The following NEBL variants were observed in gnomAD, a reference collection of about 807,000 sequenced individuals.
The protein encoded by NEBL is nebulette.
Under a neutral mutation model 140.2 loss-of-function variants are expected in NEBL, and 122 were observed. The observed-to-expected ratio is 0.87, with a 90% CI of 0.75 to 1.01. The LOEUF is 1.01. Ranked by LOEUF, NEBL falls within the 50% of genes least tolerant of loss-of-function variation. The pLI is 0.00. For synonymous variants in NEBL, 436 were observed against 398.9 expected, an observed-to-expected ratio of 1.09 and a Z score of -1.11; for missense variants, 1,365 against 1,231.3, an observed-to-expected ratio of 1.11 and a Z score of -1.62.
intron 2 of NEBL, among the ~76,000 whole-genome samples, chr10:21,165,395 A>G (rs939994401): frequency 2.6e-5 from 4 of 152,190 alleles, no homozygotes; most frequent in Admixed American, 6.5e-5. Flanking sequence ...AATGAACCCT[A>G]GTCACCAGTC....
chr10:21,282,928 C>G (rs1028295328), intron 1 of NEBL, among the ~76,000 whole-genome samples: 1 of 152,116 alleles, frequency 6.6e-6, no homozygotes, highest in African/African-American at 2.4e-5. Context: ...AGTTCGAGAC[C>G]AGCCTGGCCA....
chr10:20,867,805 G>A (rs549003450), intron 7 of NEBL: 6 of 151,976 alleles, frequency 3.9e-5, no homozygotes, highest in African/African-American at 1.2e-4. Flanking sequence ...GACTTGAATC[G>A]ACACTTTTAT....
chr10:20,793,599 G>A (rs140925070), intron 26 of NEBL, among the ~76,000 whole-genome samples: 1 of 150,968 alleles, frequency 6.6e-6, no homozygotes, highest in East Asian at 2.0e-4. Context: ...TGTCACCCAG[G>A]CTGGAGTGCA....
intron 3 of NEBL, among the ~76,000 whole-genome samples, chr10:20,966,395 A>G (rs1836318067): frequency 6.6e-6 from 1 of 152,242 alleles, no homozygotes; most frequent in Non-Finnish European, 1.5e-5. Flanking sequence ...ACAAGAAAAT[A>G]TGCAATATGC....
At chr10:20,857,713 A>G (rs901989873) in intron 9 of NEBL, among the ~76,000 whole-genome samples, 1 of 152,274 alleles carries the variant, frequency 6.6e-6, no homozygotes, top group African/African-American at 2.4e-5. Flanking sequence ...AGACATGAAG[A>G]ACTCACCTTT....
At chr10:21,290,212 C>T (rs1447642071) in intron 1 of NEBL, among the ~76,000 whole-genome samples, 2 of 152,210 alleles carry the variant, frequency 1.3e-5, no homozygotes. Flanking sequence ...TCAGCATAGA[C>T]AGTCTATCCA....
At chr10:21,106,956 T>G (rs759755069) in intron 2 of NEBL, among the ~76,000 whole-genome samples, 2 of 152,210 alleles carry the variant, frequency 1.3e-5, no homozygotes, top group Non-Finnish European at 2.9e-5. Context: ...TAATTGTGAA[T>G]GGGAATTCAC....
At chr10:21,134,853 C>G (rs1461417675) in intron 2 of NEBL, among the ~76,000 whole-genome samples, 1 of 152,214 alleles carries the variant, frequency 6.6e-6, no homozygotes, top group Non-Finnish European at 1.5e-5. Flanking sequence ...AGGTACGCTA[C>G]TCTGCAATGC....
At chr10:20,990,993 G>T (rs1837434365) in intron 3 of NEBL, among the ~76,000 whole-genome samples, 1 of 152,120 alleles carries the variant, frequency 6.6e-6, no homozygotes. Flanking sequence ...CATCAATCAA[G>T]CTCTGCCCTA....
intron 2 of NEBL, among the ~76,000 whole-genome samples, chr10:21,106,724 A>C (rs182952601): frequency 1.3e-5 from 2 of 152,324 alleles, no homozygotes; most frequent in African/African-American, 4.8e-5. Context: ...TCTGTGAAGA[A>C]AGTCAGTAGT....
chr10:21,097,557 G>A (rs1408035556), intron 2 of NEBL, among the ~76,000 whole-genome samples: 1 of 152,176 alleles, frequency 6.6e-6, no homozygotes, highest in Admixed American at 6.5e-5. Flanking sequence ...GCTTAAATGA[G>A]TCATTTTGTA....
At chr10:21,266,361 C>A (rs959837168) in intron 1 of NEBL, among the ~76,000 whole-genome samples, 1 of 152,124 alleles carries the variant, frequency 6.6e-6, no homozygotes, top group Admixed American at 6.6e-5. Flanking sequence ...AGGCTAGTCT[C>A]GAACTCCTGA....
chr10:20,803,828 T>C (rs2130728148), intron 26 of NEBL, among the ~76,000 whole-genome samples: 1 of 146,746 alleles, frequency 6.8e-6, no homozygotes, highest in East Asian at 2.0e-4. Flanking sequence ...TATATATATA[T>C]ATATATATAT....
chr10:21,091,863 C>T (rs987956022), intron 2 of NEBL, among the ~76,000 whole-genome samples: 1 of 152,194 alleles, frequency 6.6e-6, no homozygotes, highest in African/African-American at 2.4e-5. Flanking sequence ...AACTCCTGGA[C>T]TCAAGCAATC....
chr10:20,863,474 AT>A (rs1377820659), intron 7 of NEBL, among the ~76,000 whole-genome samples: 2 of 152,332 alleles, frequency 1.3e-5, no homozygotes, highest in African/African-American at 4.8e-5. Flanking sequence ...GCAATCTTGG[AT>A]GAAATCAAAC....
In NEBL at chr10:20,952,918, A is replaced by AG. The variant is rs1362865697; in HGVS notation, c.357+8753_357+8754insC. Among the ~76,000 whole-genome samples, 4 of 150,830 alleles carry AG rather than the reference A, an allele frequency of 2.7e-5. No individual in the cohort carries two copies. In the East Asian group the frequency reaches 7.7e-4, roughly 29 times the overall value. On this transcript the variant is annotated intron_variant, in intron 4 of 6. Transcript: ENST00000417816. ...AGACCCTGTCTCAAAAAAAAAAAAA[A>AG]AAAAAAAGAAAAAGAAAAAAGAAAA...
upstream of NEBL, chr10:20,899,562 T>C: frequency 2.1e-6 from 1 of 487,394 alleles, no homozygotes; most frequent in South Asian, 2.0e-5. Context: ...GAATCAGAAT[T>C]TCAAGCCAAA....
At chr10:21,023,990 A>G (rs1244934073) in intron 2 of NEBL, among the ~76,000 whole-genome samples, 3 of 152,058 alleles carry the variant, frequency 2.0e-5, no homozygotes, top group Non-Finnish European at 4.4e-5. Flanking sequence ...TATAAAATAT[A>G]TGCATATAAA....
In NEBL at chr10:21,173,087, C is replaced by T. The variant is rs139936796; in HGVS notation, c.70-610G>A. 0.01 allele frequency among the ~76,000 whole-genome samples: 1,597 copies of T among 152,222 alleles called. 24 individuals are homozygous for T. The highest frequency in any genetic ancestry group is 0.034 in the African/African-American group (1,408 of 41,544). On this transcript the variant is annotated intron_variant, in intron 1 of 6. Transcript: ENST00000417816. This position sits in a 1 kb window ranked among gnomAD's most constrained non-coding sequence, Gnocchi z 5.7. ...GTTTCAACTGTCAGTCACTCCGGAT[C>T]GCTCCTGGGTGTCTCTCTCCCGGGC...
Sources: allele counts gnomAD v4.1 joint callset (sites outside exome capture counted in the v4.1 genomes callset), GRCh38; gene constraint gnomAD v4.1.1; non-coding constraint Gnocchi (gnomAD v3.1); transcripts MANE v1.5; gene names NCBI Gene and HGNC (gene_info 2026-07-23, HGNC 2026-07-21).